The following VAT1L variants were observed in gnomAD, a reference collection of about 807,000 sequenced individuals.
The protein encoded by VAT1L is vesicle amine transport 1 like.
Under a neutral mutation model 44.1 loss-of-function variants are expected in VAT1L, and 34 were observed. The observed-to-expected ratio is 0.77, with a 90% confidence interval of 0.59 to 1.03. The LOEUF is 1.03. Ranked by LOEUF, VAT1L falls within the 50% of genes least tolerant of loss-of-function variation. The probability of loss-of-function intolerance (pLI) is 0.00; values close to 1 mark genes in which losing one functional copy is unlikely to be tolerated. For synonymous variants in VAT1L, 253 were observed against 202.2 expected (o/e 1.25, Z -2.13); for missense variants, 615 against 538.8 (o/e 1.14, Z -1.40).
In VAT1L at chr16:77,909,303, CCTCTGCACTTCTTTTCCTTG is replaced by C. The variant is rs1306318927; in HGVS notation, c.1077+24503_1077+24522del. 2.0e-5 allele frequency among the ~76,000 whole-genome samples: 3 copies of C among 149,086 alleles called. No individual in the cohort carries two copies. In the East Asian group the frequency reaches 7.7e-4, roughly 38 times the overall value. On this transcript the variant is annotated intron_variant, in intron 7 of 8. Transcript: ENST00000302536. ...TATATATTTCTTCTAAATCTTACCT[CCTCTGCACTTCTTTTCCTTG>C]CCTCTCTGCAGTAAGGATTATAAAG...
At chr16:77,802,151 C>A (rs960328493) in intron 1 of VAT1L, among the ~76,000 whole-genome samples, 5 of 152,348 alleles carry the variant, frequency 3.3e-5, no homozygotes, top group Admixed American at 2.6e-4. Context: ...GCCAGCAGCA[C>A]ATGTGGGAGA....
intron 1 of VAT1L, among the ~76,000 whole-genome samples, chr16:77,807,531 C>A (rs954035925): frequency 6.6e-6 from 1 of 152,088 alleles, no homozygotes; most frequent in African/African-American, 2.4e-5. Flanking sequence ...AACTTCTCCC[C>A]GTCCCCAGTC....
intron 7 of VAT1L, among the ~76,000 whole-genome samples, chr16:77,966,473 G>A (rs560985108): frequency 6.6e-6 from 1 of 152,190 alleles, no homozygotes; most frequent in Non-Finnish European, 1.5e-5. Context: ...ACAGTGCAGA[G>A]AGCCCAGTGA....
At chr16:77,795,687 G>T (rs886470891) in intron 1 of VAT1L, among the ~76,000 whole-genome samples, 4 of 152,142 alleles carry the variant, frequency 2.6e-5, no homozygotes, top group Non-Finnish European at 4.4e-5. Flanking sequence ...AGCGCAGACG[G>T]GGAGGAAGCT....
intron 2 of VAT1L, 65 bp from the exon 3 acceptor site, chr16:77,825,181 C>A (rs938267179): frequency 1.3e-6 from 2 of 1,579,670 alleles, no homozygotes; most frequent in Non-Finnish European, 1.7e-6. Flanking sequence ...CCCAGTAATT[C>A]TGTTCTCTCC....
At chr16:77,861,060 A>G (rs2016909849) in intron 3 of VAT1L, among the ~76,000 whole-genome samples, 1 of 152,122 alleles carries the variant, frequency 6.6e-6, no homozygotes, top group African/African-American at 2.4e-5. Context: ...GGAGGGGGTA[A>G]TTGGATGATC....
intron 7 of VAT1L, among the ~76,000 whole-genome samples, chr16:77,893,719 C>A (rs2017292192): frequency 6.6e-6 from 1 of 152,306 alleles, no homozygotes; most frequent in Middle Eastern, 3.4e-3. Flanking sequence ...TTATTATCCC[C>A]ATCTTACAGA....
At chr16:77,928,564 T>C (rs1408429033) in intron 7 of VAT1L, among the ~76,000 whole-genome samples, 4 of 152,148 alleles carry the variant, frequency 2.6e-5, no homozygotes, top group East Asian at 3.9e-4. Flanking sequence ...ACAACCAACA[T>C]TTCCTCTTAA....
intron 7 of VAT1L, chr16:77,893,002 T>A (rs1823659015): frequency 1.6e-6 from 1 of 635,890 alleles, no homozygotes; most frequent in Non-Finnish European, 2.8e-6. Flanking sequence ...GCTCGCAGTA[T>A]CCTATCATCT....
chr16:77,938,420 G>C (rs139569208), intron 7 of VAT1L, among the ~76,000 whole-genome samples: 4 of 152,208 alleles, frequency 2.6e-5, no homozygotes, highest in African/African-American at 4.8e-5. Context: ...TTAAATATGT[G>C]TCCTCATCAA....
chr16:77,853,441 A>T (rs2016826502), intron 3 of VAT1L, among the ~76,000 whole-genome samples: 1 of 152,226 alleles, frequency 6.6e-6, no homozygotes, highest in South Asian at 2.1e-4. Flanking sequence ...CAGGGAATGT[A>T]TAATTATATA....
intron 3 of VAT1L, among the ~76,000 whole-genome samples, chr16:77,836,828 G>A (rs140345871): frequency 1.9e-4 from 29 of 152,120 alleles, no homozygotes; most frequent in East Asian, 1.4e-3. Flanking sequence ...TATAAATATC[G>A]TATAGGTGAA....
intron 7 of VAT1L, among the ~76,000 whole-genome samples, chr16:77,905,839 G>C (rs2017431375): frequency 6.6e-6 from 1 of 152,214 alleles, no homozygotes. Context: ...ACTAAAAAGA[G>C]TCAATAGCTA....
intron 7 of VAT1L, among the ~76,000 whole-genome samples, chr16:77,966,932 TAAAAAAAAAAA>T (rs55896887): frequency 3.8e-5 from 4 of 106,556 alleles, no homozygotes; most frequent in African/African-American, 1.5e-4. Flanking sequence ...TAGAGTACTT[TAAAAAAAAAAA>T]AAAAAAAAAA....
chr16:77,926,898 G>A (rs543234679), intron 7 of VAT1L, among the ~76,000 whole-genome samples: 5 of 152,060 alleles, frequency 3.3e-5, no homozygotes, highest in Non-Finnish European at 7.4e-5. Context: ...CCACTCTATC[G>A]TGGCTACCCC....
rs567676499 is a variant in VAT1L, at chr16:77,947,174, CACACTG to C, written c.1078-24667_1078-24662del. The stretch of plus-strand genomic sequence containing the variant: ...ATAATTAAAAATTAGATTTTAAAGT[CACACTG>C]ACACTGACGGAAGGAACATAAGGAG... On this transcript the variant is annotated intron_variant, in intron 7 of 8. Transcript: ENST00000302536. 3.6e-3 allele frequency among the ~76,000 whole-genome samples: 554 copies of C among 152,318 alleles called. 2 individuals carry two copies. The highest frequency in any genetic ancestry group is 0.013 in the African/African-American group (528 of 41,560).
intron 8 of VAT1L, among the ~76,000 whole-genome samples, chr16:77,973,054 G>A (rs1469400095): frequency 5.9e-5 from 9 of 151,836 alleles, no homozygotes; most frequent in Non-Finnish European, 8.8e-5. Context: ...AGTATAGCAT[G>A]TCAAACTCAC....
chr16:77,819,136 T>C (rs114570402), intron 2 of VAT1L, among the ~76,000 whole-genome samples: 2,929 of 152,174 alleles, frequency 0.019, 42 homozygotes, highest in African/African-American at 0.04. Context: ...ATGGAAGTGA[T>C]GGAGCAAAGT....
intron 4 of VAT1L, among the ~76,000 whole-genome samples, chr16:77,872,118 G>T (rs2017039381): frequency 6.6e-6 from 1 of 152,134 alleles, no homozygotes; most frequent in African/African-American, 2.4e-5. Flanking sequence ...GAGGCACAGA[G>T]AGGCTAAGTA....
Sources: gnomAD v4.1 joint callset for allele counts (sites outside exome capture counted in the v4.1 genomes callset) on GRCh38, gnomAD v4.1.1 for gene constraint, MANE v1.5 for transcripts, NCBI Gene and HGNC (gene_info 2026-07-23, HGNC 2026-07-21) for gene names.